Variants in FAM168A observed in about 807,000 individuals in gnomAD.
The protein encoded by FAM168A is protein FAM168A.
FAM168A carries 3 observed loss-of-function variants against 28.5 expected under a neutral mutation model. That is an observed-to-expected ratio of 0.11 (90% CI 0.05 to 0.27). FAM168A has a LOEUF of 0.27. FAM168A is among the 10% of genes least tolerant of loss of function. The pLI is 1.00. For missense variants in FAM168A, 222 were observed against 311.5 expected (o/e 0.71, Z 2.16); for synonymous variants, 122 against 124.2 (o/e 0.98, Z 0.12).
At chr11:73,421,542 G>A (rs1434877332) in intron 3 of FAM168A, among the ~76,000 whole-genome samples, 1 of 152,210 alleles carries the variant, frequency 6.6e-6, no homozygotes, top group East Asian at 1.9e-4. Context: ...TCCTGGACAT[G>A]AAGACATGGC....
chr11:73,583,835 G>A (rs1944277452), intron 1 of FAM168A, among the ~76,000 whole-genome samples: 1 of 152,170 alleles, frequency 6.6e-6, no homozygotes, highest in South Asian at 2.1e-4. Flanking sequence ...AAGAAGTTGG[G>A]GAGAGGATCT....
chr11:73,429,417 G>C (rs1866944957), intron 3 of FAM168A, among the ~76,000 whole-genome samples: 1 of 152,154 alleles, frequency 6.6e-6, no homozygotes, highest in African/African-American at 2.4e-5. Flanking sequence ...ATAATGATAA[G>C]TGCTAAACAA....
At chr11:73,500,628 A>T (rs1854991552) in intron 1 of FAM168A, among the ~76,000 whole-genome samples, 1 of 152,078 alleles carries the variant, frequency 6.6e-6, no homozygotes, top group Non-Finnish European at 1.5e-5. Context: ...CTTTCCAGAC[A>T]AGCAAATGCT....
At chr11:73,423,353 C>T (rs73542990) in intron 3 of FAM168A, among the ~76,000 whole-genome samples, 12,240 of 152,184 alleles carry the variant, frequency 0.08, 637 homozygotes, top group Non-Finnish European at 0.11. Context: ...AATCATAAAA[C>T]CCCCTTTCTT....
chr11:73,467,806 A>G (rs899260012), intron 2 of FAM168A, among the ~76,000 whole-genome samples: 6 of 152,212 alleles, frequency 3.9e-5, no homozygotes, highest in African/African-American at 1.4e-4. Flanking sequence ...GTACTGCCCC[A>G]TGAGTCCTGG....
Position 73,428,035 on chromosome 11 carries a change from C to T in FAM168A, c.151+2655G>A, listed in dbSNP as rs373832857. Among the ~76,000 whole-genome samples the T allele has an allele frequency of 9.0e-4, 137 of 152,340 alleles. 4 individuals carry two copies. The South Asian group carries it at 0.028, about 31-fold the overall frequency. On this transcript the variant is annotated intron_variant, in intron 3 of 7. Transcript: ENST00000356467. ...TCAAGGTCATTAGATGAGAATTCTC[C>T]ACTTTCCACTGGGCAATTTATTCTA...
In FAM168A at chr11:73,468,286, T is replaced by C. The variant is rs560114616; in HGVS notation, c.70+119A>G. On this transcript the variant is annotated intron_variant, in intron 2 of 7. Coordinates refer to ENST00000356467, the MANE Select transcript of FAM168A (RefSeq NM_015159.3). ...TCCGCTGGACCTCAGACATATCTTC[T>C]GCATGTTCCCAAACTTTCCCAAGAC... 3.6e-6 allele frequency: 3 copies of C among 836,538 alleles called. No individual in the cohort carries two copies. In the African/African-American group the frequency reaches 5.1e-5, roughly 14 times the overall value. 51.8% of individuals were successfully genotyped at this position (836,538 alleles called of 1,614,324 possible).
intron 1 of FAM168A, among the ~76,000 whole-genome samples, chr11:73,540,932 C>T (rs1435355171): frequency 1.3e-5 from 2 of 152,052 alleles, no homozygotes; most frequent in East Asian, 3.9e-4. Context: ...AGTCCGGGTA[C>T]GGTGGCTCGT....
intron 1 of FAM168A, among the ~76,000 whole-genome samples, chr11:73,503,923 A>C (rs538242463): frequency 1.3e-5 from 2 of 152,250 alleles, no homozygotes; most frequent in Admixed American, 1.3e-4. Flanking sequence ...CTATTCAGTA[A>C]ATGGTGCCGG....
At chr11:73,571,238 C>CT (rs1944083777) in intron 1 of FAM168A, among the ~76,000 whole-genome samples, 1 of 90,940 alleles carries the variant, frequency 1.1e-5, no homozygotes, top group African/African-American at 7.0e-5. Flanking sequence ...TCCCCCTCCC[C>CT]CCCCCCTCCC....
chr11:73,505,340 C>A (rs12421012), intron 1 of FAM168A, among the ~76,000 whole-genome samples: 14,096 of 151,514 alleles, frequency 0.093, 679 homozygotes, highest in Admixed American at 0.12. Flanking sequence ...AATCACTAAA[C>A]TTCTCTATAA....
At chr11:73,451,487 A>G (rs961681074) in intron 2 of FAM168A, among the ~76,000 whole-genome samples, 1 of 152,230 alleles carries the variant, frequency 6.6e-6, no homozygotes, top group Non-Finnish European at 1.5e-5. Context: ...GAACACAATG[A>G]CTGCCTGCAA....
chr11:73,550,691 T>G (rs1943817074), intron 1 of FAM168A, among the ~76,000 whole-genome samples: 1 of 151,476 alleles, frequency 6.6e-6, no homozygotes, highest in African/African-American at 2.4e-5. Context: ...AATAAATATT[T>G]TTTTAAAAGG....
intron 1 of FAM168A, among the ~76,000 whole-genome samples, chr11:73,477,258 G>A (rs1238674788): frequency 2.0e-5 from 3 of 151,888 alleles, no homozygotes; most frequent in African/African-American, 7.3e-5. Flanking sequence ...AAAAAGTCAG[G>A]TACTATGCTC....
chr11:73,580,024 T>A (rs1944225036), intron 1 of FAM168A, among the ~76,000 whole-genome samples: 1 of 152,350 alleles, frequency 6.6e-6, no homozygotes, highest in Admixed American at 6.5e-5. Context: ...GTGTTAGCAC[T>A]TCATAAATGA....
chr11:73,573,326 C>T (rs1400055829), intron 1 of FAM168A, among the ~76,000 whole-genome samples: 1 of 152,204 alleles, frequency 6.6e-6, no homozygotes, highest in Non-Finnish European at 1.5e-5. Flanking sequence ...TATTCCTCAA[C>T]AGTTCTCCAC....
intron 1 of FAM168A, among the ~76,000 whole-genome samples, chr11:73,556,227 T>C (rs1943887755): frequency 6.6e-6 from 1 of 151,990 alleles, no homozygotes; most frequent in African/African-American, 2.4e-5. Context: ...TACATGCCTG[T>C]AGTCCTAGCT....
chr11:73,469,819 C>T (rs1418700703), intron 1 of FAM168A, among the ~76,000 whole-genome samples: 2 of 152,122 alleles, frequency 1.3e-5, no homozygotes, highest in Non-Finnish European at 1.5e-5. Flanking sequence ...TAAAAATATA[C>T]CCAAGTAACA....
intron 1 of FAM168A, among the ~76,000 whole-genome samples, chr11:73,469,903 T>TTTTTTG (rs762115983): frequency 1.3e-5 from 2 of 152,024 alleles, no homozygotes; most frequent in Non-Finnish European, 2.9e-5. Flanking sequence ...AGATCATAGA[T>TTTTTTG]TTTTTGTTTT....
Sources: allele counts gnomAD v4.1 joint callset (sites outside exome capture counted in the v4.1 genomes callset), GRCh38; gene constraint gnomAD v4.1.1; transcripts MANE v1.5; gene names NCBI Gene and HGNC (gene_info 2026-07-23, HGNC 2026-07-21).